MGAT4C: variants seen among roughly 807,000 people sequenced by gnomAD.
MGAT4C encodes the protein MGAT4 family member C, also known as alpha-1,3-mannosyl-glycoprotein 4-beta-N-acetylglucosaminyltransferase C.
Under a neutral mutation model 40.1 loss-of-function variants are expected in MGAT4C, and 19 were observed. The observed-to-expected ratio is 0.47, with a 90% CI of 0.33 to 0.70. The LOEUF (loss-of-function observed/expected upper bound fraction) is 0.70. Among genes scored for constraint, MGAT4C ranks in the 30% least tolerant of loss-of-function variants. MGAT4C has a pLI of 0.02. For synonymous variants in MGAT4C, 181 were observed against 187.1 expected, an observed-to-expected ratio of 0.97 and a Z score of 0.27; for missense variants, 491 against 563.2, an observed-to-expected ratio of 0.87 and a Z score of 1.30.
Position 86,486,678 on chromosome 12 carries a change from CAACT to C in MGAT4C, c.-228-51417_-228-51414del, listed in dbSNP as rs546333715. Among the ~76,000 whole-genome samples the C allele has an allele frequency of 1.1e-4, 16 of 152,158 alleles. No homozygotes were observed. In the East Asian group the frequency reaches 2.9e-3, roughly 27 times the overall value. On this transcript the variant is annotated intron_variant, in intron 2 of 7. Transcript: ENST00000548651. ...GCATTAGAAAGATTATTGAGGCAAA[CAACT>C]AACAAAAAAATTCTGGACTTAAGCT... is the stretch of plus-strand genomic sequence containing the variant.
At chr12:86,462,906 T>C (rs1957623216) in intron 2 of MGAT4C, among the ~76,000 whole-genome samples, 1 of 152,160 alleles carries the variant, frequency 6.6e-6, no homozygotes, top group Non-Finnish European at 1.5e-5. Flanking sequence ...TCCCAGTCCA[T>C]TGACTCAAAT....
At chr12:86,640,974 G>A (rs1404080620) in intron 2 of MGAT4C, among the ~76,000 whole-genome samples, 2 of 151,928 alleles carry the variant, frequency 1.3e-5, no homozygotes, top group Non-Finnish European at 1.5e-5. Context: ...GAGACAGTTT[G>A]TTATAATTTC....
At position 86,833,101 on chromosome 12, in the gene MGAT4C, T is replaced by C. The variant is rs144767282; in HGVS notation, c.-262+5565A>G. The stretch of plus-strand genomic sequence containing the variant: ...CTAAAAATAACTGCTGACATTTGTA[T>C]ATTAGACTATCTTGTGCCATAAAAC... On this transcript the variant is annotated intron_variant, in intron 1 of 7. Coordinates refer to the MGAT4C transcript ENST00000548651. 5.3e-4 allele frequency among the ~76,000 whole-genome samples: 81 copies of C among 151,994 alleles called. 1 individual carries two copies. In the East Asian group the frequency reaches 0.012, roughly 23 times the overall value.
chr12:86,554,133 TACACACAC>T (rs5799783), intron 2 of MGAT4C, among the ~76,000 whole-genome samples: 260 of 149,970 alleles, frequency 1.7e-3, no homozygotes, highest in African/African-American at 6.0e-3. Flanking sequence ...TACACATACA[TACACACAC>T]ACACACACAC....
rs909177887 is a variant in MGAT4C at position 86,319,924 on chromosome 12, C to A, written c.-57+14141G>T. ...GAAAAGAAGAAATGAAATTTTAATT[C>A]TCATAAATTAGTAAGAAAATAAATT... On this transcript the variant is annotated intron_variant, in intron 4 of 7. Coordinates refer to the MGAT4C transcript ENST00000548651. Among the ~76,000 whole-genome samples, 3 of 152,086 alleles carry A rather than the reference C, an allele frequency of 2.0e-5. 1 individual carries two copies. Among genetic ancestry groups the A allele is most frequent in the East Asian group, 1.9e-4 (1 of 5,180 alleles).
At chr12:86,209,301 C>A (rs1950371416) in intron 1 of MGAT4C, among the ~76,000 whole-genome samples, 1 of 151,596 alleles carries the variant, frequency 6.6e-6, no homozygotes, top group Admixed American at 6.6e-5. Context: ...GGATACTACC[C>A]TTCTGAAAAA....
At position 86,603,525 on chromosome 12, in the gene MGAT4C, CT is replaced by C. The variant is rs1301766310; in HGVS notation, c.-229+123683del. ...CTATATATAGTCTATAGTCTATAGACTATATATAGTCTATAGACTATAGATA... is the reference window on the plus strand; with the variant it reads ...CTATATATAGTCTATAGTCTATAGACATATATAGTCTATAGACTATAGATA... On this transcript the variant is annotated intron_variant, in intron 2 of 7. Transcript: ENST00000548651. 1.8e-4 allele frequency among the ~76,000 whole-genome samples: 4 copies of C among 21,984 alleles called. 1 individual carries two copies. The allele number at this position is 21,984 out of a possible 152,430, so 14.4% of individuals were successfully genotyped here.
chr12:86,067,790 C>T (rs1420822651), intron 1 of MGAT4C, among the ~76,000 whole-genome samples: 3 of 152,010 alleles, frequency 2.0e-5, no homozygotes, highest in African/African-American at 4.8e-5. Context: ...GACATTAGAC[C>T]ATCTTTTTCA....
intron 2 of MGAT4C, among the ~76,000 whole-genome samples, chr12:85,997,276 C>T (rs879024436): frequency 4.6e-5 from 7 of 152,232 alleles, no homozygotes; most frequent in South Asian, 2.1e-4. Flanking sequence ...AATTACCTTC[C>T]CCTTGGTCCC....
intron 1 of MGAT4C, among the ~76,000 whole-genome samples, chr12:86,255,243 G>T (rs1952468447): frequency 6.6e-6 from 1 of 152,014 alleles, no homozygotes; most frequent in African/African-American, 2.4e-5. Context: ...ATAAATAACT[G>T]CATCCAACTT....
intron 3 of MGAT4C, among the ~76,000 whole-genome samples, chr12:86,388,306 A>C (rs1031101162): frequency 6.6e-6 from 1 of 152,166 alleles, no homozygotes; most frequent in Non-Finnish European, 1.5e-5. Context: ...CAACTGCATA[A>C]TTTTTAACTT....
intron 1 of MGAT4C, among the ~76,000 whole-genome samples, chr12:86,127,292 G>C (rs918575316): frequency 1.3e-5 from 2 of 152,144 alleles, no homozygotes; most frequent in African/African-American, 4.8e-5. Flanking sequence ...AAGTATTTGT[G>C]TATTCAAACA....
intron 2 of MGAT4C, among the ~76,000 whole-genome samples, chr12:86,556,212 G>T (rs2136402521): frequency 6.6e-6 from 1 of 152,208 alleles, no homozygotes; most frequent in East Asian, 1.9e-4. Flanking sequence ...TTAAAGATGA[G>T]GGGTAAATAT....
intron 2 of MGAT4C, among the ~76,000 whole-genome samples, chr12:86,515,089 T>A (rs1958659216): frequency 6.6e-6 from 1 of 152,192 alleles, no homozygotes; most frequent in South Asian, 2.1e-4. Flanking sequence ...GTTCTGGGAA[T>A]CAGGATGTGG....
At chr12:86,067,151 G>A (rs777118950) in intron 1 of MGAT4C, among the ~76,000 whole-genome samples, 26 of 152,232 alleles carry the variant, frequency 1.7e-4, no homozygotes, top group African/African-American at 2.6e-4. Flanking sequence ...ACAGTGTGCC[G>A]ATTCCTCAAG....
chr12:86,614,661 A>G (rs1962392212), intron 2 of MGAT4C, among the ~76,000 whole-genome samples: 1 of 151,736 alleles, frequency 6.6e-6, no homozygotes, highest in Non-Finnish European at 1.5e-5. Flanking sequence ...ATATATATAT[A>G]TGTTTAAATT....
rs1592740385 is a variant in MGAT4C, at chr12:86,035,446, G to T, written c.-7+14228C>A. Among the ~76,000 whole-genome samples, 3 of 149,684 alleles carry T rather than the reference G, an allele frequency of 2.0e-5. 1 individual carries two copies. The South Asian group carries it at 6.3e-4, about 31-fold the overall frequency. On this transcript the variant is annotated intron_variant, in intron 2 of 4. Transcript: ENST00000611864. ...GGGGTTGTTTTTTTCTTGTAAATTTGTTGAAGTTATTTCTAGATTCTGGAT... is the reference window on the plus strand; with the variant it reads ...GGGGTTGTTTTTTTCTTGTAAATTTTTTGAAGTTATTTCTAGATTCTGGAT...
intron 2 of MGAT4C, among the ~76,000 whole-genome samples, chr12:86,726,110 T>G (rs1950817023): frequency 6.6e-6 from 1 of 152,168 alleles, no homozygotes; most frequent in Non-Finnish European, 1.5e-5. Flanking sequence ...TTCAGATAAT[T>G]ACAACAGAAA....
chr12:86,754,215 T>C (rs1011325781), intron 1 of MGAT4C, among the ~76,000 whole-genome samples: 7 of 152,112 alleles, frequency 4.6e-5, no homozygotes, highest in Admixed American at 3.3e-4. Flanking sequence ...AAAATAATTG[T>C]ATTGAATAAA....
Sources: gnomAD v4.1 joint callset for allele counts (sites outside exome capture counted in the v4.1 genomes callset) on GRCh38, gnomAD v4.1.1 for gene constraint, MANE v1.5 for transcripts, NCBI Gene and HGNC (gene_info 2026-07-23, HGNC 2026-07-21) for gene names.